Variants in SH3BGRL observed in about 807,000 individuals in gnomAD.
The protein encoded by SH3BGRL is SH3 domain binding glutamate rich protein like.
Under a neutral mutation model 9.8 loss-of-function variants are expected in SH3BGRL, and 7 were observed. The observed-to-expected ratio is 0.72, with a 90% CI of 0.41 to 1.35. The LOEUF is 1.35. Among genes scored for constraint, SH3BGRL ranks in the 40% most tolerant of loss-of-function variants. The pLI, the probability that SH3BGRL is intolerant of heterozygous loss-of-function variation, is 0.01. For missense variants in SH3BGRL, 73 were observed against 84.4 expected (o/e 0.86, Z 0.53); for synonymous variants, 36 against 29.1 (o/e 1.24, Z -0.76).
At chrX:81,248,836 G>A (rs1039422519) in intron 1 of SH3BGRL, among the ~76,000 whole-genome samples, 1 of 111,772 alleles carries the variant, frequency 8.9e-6, no homozygotes. Context: ...CATTGGCCTG[G>A]GTTGCTTGGA....
intron 3 of SH3BGRL, among the ~76,000 whole-genome samples, chrX:81,281,192 TA>T (rs2075815692): frequency 9.0e-6 from 1 of 110,835 alleles, no homozygotes; most frequent in African/African-American, 3.3e-5. Flanking sequence ...CGACCAAACC[TA>T]AGAATAATTG....
chrX:81,222,076 A>G (rs1378725485), intron 1 of SH3BGRL, among the ~76,000 whole-genome samples: 1 of 112,498 alleles, frequency 8.9e-6, no homozygotes, highest in Admixed American at 9.4e-5. Flanking sequence ...CTTTGGTAAT[A>G]TGCTGCAGTA....
chrX:81,252,836 A>G (rs906702294), intron 1 of SH3BGRL, among the ~76,000 whole-genome samples: 6 of 111,944 alleles, frequency 5.4e-5, no homozygotes, highest in African/African-American at 1.9e-4. Context: ...TAAAATGAGT[A>G]TTTGAATTTC....
intron 1 of SH3BGRL, among the ~76,000 whole-genome samples, chrX:81,276,227 C>T (rs1484113620): frequency 9.1e-6 from 1 of 109,681 alleles, no homozygotes; most frequent in Admixed American, 9.7e-5. Context: ...TCTCTTCTAG[C>T]TATGATAAGG....
rs2075697318 is a variant in SH3BGRL at position 81,248,406 on chromosome X, C to A, written c.46-28578C>A. 2.7e-5 allele frequency among the ~76,000 whole-genome samples: 3 copies of A among 112,185 alleles called. No homozygotes were observed. The Admixed American group carries it at 2.8e-4, about 11-fold the overall frequency. ...TTTCAGCGGACCAGGCTGGGGCACC[C>A]AGCAATGGCCCACACAGACTAGTTC... is the stretch of plus-strand genomic sequence containing the variant. On this transcript the variant is annotated intron_variant, in intron 1 of 3. Transcript: ENST00000373212.
At chrX:81,293,308 T>C (rs1417932597) in intron 3 of SH3BGRL, among the ~76,000 whole-genome samples, 1 of 111,685 alleles carries the variant, frequency 9.0e-6, no homozygotes, top group Non-Finnish European at 1.9e-5. Flanking sequence ...GCCTCGGGTA[T>C]GCCTTTGTCA....
chrX:81,280,591 C>T (rs745845790), intron 3 of SH3BGRL, among the ~76,000 whole-genome samples: 5 of 111,518 alleles, frequency 4.5e-5, no homozygotes, highest in South Asian at 3.8e-4. Context: ...CAGTTTGGCT[C>T]ACAGAAGCCA....
At chrX:81,266,988 C>G (rs776424814) in intron 1 of SH3BGRL, among the ~76,000 whole-genome samples, 1 of 111,520 alleles carries the variant, frequency 9.0e-6, no homozygotes, top group East Asian at 2.8e-4. Context: ...GGAGTTCACT[C>G]ATGGTTTGGC....
At chrX:81,288,988 A>G (rs1406694415) in intron 3 of SH3BGRL, among the ~76,000 whole-genome samples, 2 of 112,310 alleles carry the variant, frequency 1.8e-5, no homozygotes, top group Non-Finnish European at 3.8e-5. Context: ...AGTGTAAAGA[A>G]CAAAACTAGA....
At chrX:81,207,372 C>G (rs1315632368) in intron 1 of SH3BGRL, among the ~76,000 whole-genome samples, 1 of 112,079 alleles carries the variant, frequency 8.9e-6, no homozygotes, top group African/African-American at 3.2e-5. Context: ...CACAAATATA[C>G]ATAATTTTTC....
At position 81,250,227 on chromosome X, in the gene SH3BGRL, C is replaced by T. The variant is rs1278902950; in HGVS notation, c.46-26757C>T. The stretch of plus-strand genomic sequence containing the variant: ...CATCCTGGCTAACATGGTGAAACCC[C>T]GTTTCTACTAAAAATACAAAAAATT... On this transcript the variant is annotated intron_variant, in intron 1 of 3. Transcript: ENST00000373212. Among the ~76,000 whole-genome samples the T allele has an allele frequency of 5.6e-5, 6 of 107,569 alleles. No homozygotes were observed. The East Asian group carries it at 1.5e-3, about 26-fold the overall frequency. The allele number at this position is 107,569 out of a possible 115,157, so 93.4% of individuals were successfully genotyped here.
chrX:81,294,058 G>A (rs1291917150), intron 3 of SH3BGRL, among the ~76,000 whole-genome samples: 1 of 110,233 alleles, frequency 9.1e-6, no homozygotes, highest in African/African-American at 3.3e-5. Flanking sequence ...GTGGTTAAAG[G>A]CATTCACTTT....
intron 1 of SH3BGRL, among the ~76,000 whole-genome samples, chrX:81,250,024 C>T (rs1280362917): frequency 9.8e-6 from 1 of 101,772 alleles, no homozygotes; most frequent in Non-Finnish European, 2.0e-5. Flanking sequence ...AAGGTTTTAA[C>T]TTTTTTTTTT....
intron 1 of SH3BGRL, among the ~76,000 whole-genome samples, chrX:81,219,413 T>C (rs1246066175): frequency 9.0e-6 from 1 of 111,150 alleles, no homozygotes. Context: ...GATTTCTTTC[T>C]CAGATTGTTC....
chrX:81,207,091 T>C (rs1365468431), intron 1 of SH3BGRL, among the ~76,000 whole-genome samples: 3 of 112,136 alleles, frequency 2.7e-5, no homozygotes. Flanking sequence ...TTAACAAAAA[T>C]CAACATTGGC....
At chrX:81,254,426 G>A (rs1162661448) in intron 1 of SH3BGRL, among the ~76,000 whole-genome samples, 4 of 111,750 alleles carry the variant, frequency 3.6e-5, no homozygotes, top group African/African-American at 1.3e-4. Context: ...CTTCAGACTA[G>A]TTCTTCTTCC....
chrX:81,219,775 A>C (rs1321011781), intron 1 of SH3BGRL, among the ~76,000 whole-genome samples: 2 of 111,152 alleles, frequency 1.8e-5, no homozygotes, highest in Non-Finnish European at 3.8e-5. Flanking sequence ...TATGGCTTTT[A>C]TTATGCTGAG....
chrX:81,294,239 G>A (rs1361700626), intron 3 of SH3BGRL, among the ~76,000 whole-genome samples: 1 of 111,544 alleles, frequency 9.0e-6, no homozygotes, highest in Non-Finnish European at 1.9e-5. Context: ...TCCAGGGCAT[G>A]TCAGAGGTCT....
Position 81,297,560 on chromosome X carries a change from TG to T in SH3BGRL, c.*334del, listed in dbSNP as rs774562590. 5.0e-5 allele frequency: 7 copies of T among 140,618 alleles called. No individual in the cohort carries two copies. The East Asian group carries it at 1.1e-3, about 21-fold the overall frequency. The allele number at this position is 140,618 out of a possible 1,213,427, so 11.6% of individuals were successfully genotyped here. A position where few individuals can be genotyped will look rare whatever the true frequency, so the allele number is the denominator to read the frequency against. ...TCTGCCATTACTATGGCAACTTAAG[TG>T]TATCTGCAGCTCTACATTAAAAAGG... On this transcript the variant is annotated 3_prime_UTR_variant, in exon 4 of 4. Coordinates refer to ENST00000373212, the MANE Select transcript of SH3BGRL (RefSeq NM_003022.3).
Sources: gnomAD v4.1 joint callset for allele counts (sites outside exome capture counted in the v4.1 genomes callset) on GRCh38, gnomAD v4.1.1 for gene constraint, MANE v1.5 for transcripts, NCBI Gene and HGNC (gene_info 2026-07-23, HGNC 2026-07-21) for gene names.